The following PCDHGA2 variants were observed in gnomAD, a reference collection of about 807,000 sequenced individuals.
PCDHGA2 encodes protocadherin gamma subfamily A, 2, also known as protocadherin gamma-A2.
PCDHGA2 carries 40 observed loss-of-function variants against 59.2 expected under a neutral mutation model. The ratio of observed to expected loss-of-function variants is 0.68; its 90% CI spans 0.52 to 0.88. PCDHGA2 has a LOEUF of 0.88. Among genes scored for constraint, PCDHGA2 ranks in the 40% least tolerant of loss-of-function variants. The pLI is 0.00. For synonymous variants in PCDHGA2, 560 were observed against 526.0 expected (o/e 1.06, Z -0.89); for missense variants, 1,226 against 1,204.0 (o/e 1.02, Z -0.27).
chr5:141,427,405 C>T (rs1209638263), intron 1 of PCDHGA2: 1 of 462,180 alleles, frequency 2.2e-6, no homozygotes, highest in East Asian at 6.8e-5. Context: ...GATAAAGATT[C>T]GAGAGAAAAT....
chr5:141,501,636 C>T (rs2099810310), intron 2 of PCDHGA2, among the ~76,000 whole-genome samples: 1 of 152,130 alleles, frequency 6.6e-6, no homozygotes, highest in South Asian at 2.1e-4. Flanking sequence ...CTCAACCTCT[C>T]TGAGCCCTGT....
intron 1 of PCDHGA2, chr5:141,360,051 G>A (rs1443200374): frequency 2.1e-6 from 3 of 1,435,510 alleles, no homozygotes; most frequent in Admixed American, 5.6e-5. Context: ...GAAAACAAAA[G>A]CAGGAAAAGT....
intron 1 of PCDHGA2, chr5:141,385,087 G>C: frequency 6.2e-7 from 1 of 1,614,234 alleles, no homozygotes; most frequent in Non-Finnish European, 8.5e-7. Flanking sequence ...GGCTTCAGAA[G>C]GTGGCTTGGC....
chr5:141,374,172 A>C (rs1770228418), intron 1 of PCDHGA2: 1 of 1,613,448 alleles, frequency 6.2e-7, no homozygotes, highest in Non-Finnish European at 8.5e-7. Context: ...GCGGCAGCGC[A>C]GATCCGCTAC....
rs766593056 is a variant in PCDHGA2, at chr5:141,372,812, G to T, written c.2424+31417G>T. On this transcript the variant is annotated intron_variant, in intron 1 of 3. Coordinates refer to ENST00000394576, the MANE Select transcript of PCDHGA2 (RefSeq NM_018915.4). ...CTAATTCAGGCAATTTGCAAAAGGT[G>T]AGTTTCTTCAAACCTTTCCTTCCAT... 67 of 1,584,432 alleles carry T rather than the reference G, an allele frequency of 4.2e-5. No homozygotes were observed. In the Middle Eastern group the frequency reaches 6.7e-4, roughly 16 times the overall value.
At position 141,340,087 on chromosome 5, in the gene PCDHGA2, T is replaced by C. The variant is rs1321123984; in HGVS notation, c.1116T>C (p.His372=). Reference sequence around the variant, plus strand: ...CCATAATTGGGCTTTTTAATGTACATGATAGAGACTCTGGGCAGAACGCAT... The same window carrying C: ...CCATAATTGGGCTTTTTAATGTACACGATAGAGACTCTGGGCAGAACGCAT... ...PGTIIGLFNV[H]DRDSGQNAFT... is the part of the protein sequence containing the mutation. The change falls in exon 1 of 4, where the codon CAT becomes CAC. Residue 372 remains histidine, a synonymous_variant. Coordinates refer to ENST00000394576, the MANE Select transcript of PCDHGA2 (RefSeq NM_018915.4). The C allele has an allele frequency of 4.3e-6, 7 of 1,613,970 alleles. No individual in the cohort carries two copies. Among genetic ancestry groups the C allele is most frequent in the Non-Finnish European group, 5.9e-6 (7 of 1,179,970 alleles).
rs139344941 is a variant in PCDHGA2, at chr5:141,480,950, C to T, written c.2425-13857C>T. Among the ~76,000 whole-genome samples the T allele has an allele frequency of 6.7e-3, 1,016 of 152,086 alleles. 11 individuals carry two copies. Among genetic ancestry groups the T allele is most frequent in the African/African-American group, 0.023 (953 of 41,456 alleles). On this transcript the variant is annotated intron_variant, in intron 1 of 3. Transcript: ENST00000394576. ...GTCCCAGCTACTCTAGAGGCTGAGG[C>T]GGAAGCATCAGTGAGGGAGAATCAG...
At chr5:141,370,490 G>T (rs780342479) in intron 1 of PCDHGA2, 6 of 1,613,894 alleles carry the variant, frequency 3.7e-6, no homozygotes, top group Non-Finnish European at 5.1e-6. Context: ...TCTCCGAACC[G>T]ATCCGCTACG....
At chr5:141,356,834 A>G (rs1052476290) in intron 1 of PCDHGA2, 8 of 1,614,166 alleles carry the variant, frequency 5.0e-6, no homozygotes, top group Non-Finnish European at 5.9e-6. Context: ...CTCAGCAGCA[A>G]TGTGTCACTG....
rs372466798 is a variant in PCDHGA2 at position 141,413,407 on chromosome 5, C to T, written c.2424+72012C>T. On this transcript the variant is annotated intron_variant, in intron 1 of 3. Transcript: ENST00000394576. ...CATAGTCTCCAGAGGTAGGACGCAG[C>T]TTTTCTCTCTGAACCCGCGCAGCGG... The T allele has an allele frequency of 6.2e-7, 1 of 1,614,044 alleles. No individual in the cohort carries two copies. The highest frequency in any genetic ancestry group is 8.5e-7 in the Non-Finnish European group (1 of 1,179,938).
At position 141,431,994 on chromosome 5, in the gene PCDHGA2, G is replaced by C; in HGVS notation, c.2425-62813G>C. ...TTAGTCACAGACATAGTCTTGGATA[G>C]GGAACAGGTTCCTAGCTACAACATC... is the stretch of plus-strand genomic sequence containing the variant. On this transcript the variant is annotated intron_variant, in intron 1 of 3. Coordinates refer to ENST00000394576, the MANE Select transcript of PCDHGA2 (RefSeq NM_018915.4). The surrounding 1 kb of genome is among the most constrained non-coding windows in gnomAD (Gnocchi z 4.8). 1.9e-6 allele frequency: 3 copies of C among 1,614,188 alleles called. 1 individual carries two copies. The highest frequency in any genetic ancestry group is 2.2e-5 in the South Asian group (2 of 91,082).
intron 1 of PCDHGA2, chr5:141,399,802 C>G: frequency 3.1e-6 from 5 of 1,613,252 alleles, no homozygotes; most frequent in Non-Finnish European, 3.4e-6. Flanking sequence ...ACCGCGGGTG[C>G]TGTACCCCGC....
chr5:141,502,825 G>A (rs1487995525), intron 2 of PCDHGA2, among the ~76,000 whole-genome samples: 4 of 151,216 alleles, frequency 2.6e-5, no homozygotes, highest in South Asian at 2.1e-4. Flanking sequence ...TTTCCTTGGG[G>A]AAGCCTGGAC....
In PCDHGA2 at chr5:141,409,031, A is replaced by G. The variant is rs748995883; in HGVS notation, c.2424+67636A>G. The G allele has an allele frequency of 1.2e-6, 2 of 1,614,032 alleles. No individual in the cohort carries two copies. The highest frequency in any genetic ancestry group is 1.7e-6 in the Non-Finnish European group (2 of 1,179,904). The stretch of plus-strand genomic sequence containing the variant: ...CCAGGATGAGGGGGTCAATGCTGAG[A>G]TAAACTACTACTTCCGAAGCACTGC... On this transcript the variant is annotated intron_variant, in intron 1 of 3. Transcript: ENST00000394576.
intron 1 of PCDHGA2, chr5:141,355,976 C>G (rs1322217907): frequency 1.2e-6 from 2 of 1,613,916 alleles, no homozygotes; most frequent in Admixed American, 3.3e-5. Flanking sequence ...CCTGTAGGCA[C>G]TCGGCTACTC....
chr5:141,376,761 A>G (rs1179580742), intron 1 of PCDHGA2: 1 of 431,306 alleles, frequency 2.3e-6, no homozygotes, highest in African/African-American at 2.3e-5. Flanking sequence ...ATCTCGGCTC[A>G]CTGCAAGCTC....
intron 1 of PCDHGA2, among the ~76,000 whole-genome samples, chr5:141,442,703 C>A (rs1405830887): frequency 6.6e-6 from 1 of 152,218 alleles, no homozygotes; most frequent in Admixed American, 6.5e-5. Flanking sequence ...ACAAGAGTAT[C>A]AGACATGCCA....
chr5:141,343,286 T>A lies in PCDHGA2; in HGVS notation c.2424+1891T>A, dbSNP rs1196301803. 7 of 967,696 alleles carry A rather than the reference T, an allele frequency of 7.2e-6. No individual in the cohort carries two copies. The South Asian group carries it at 2.9e-4, about 40-fold the overall frequency. The allele number at this position is 967,696 out of a possible 1,614,324, so 59.9% of individuals were successfully genotyped here. On this transcript the variant is annotated intron_variant, in intron 1 of 3. Transcript: ENST00000394576. ...GTCACCAAGAACAAACTTAAAGAAA[T>A]ATAATGTATAAATATGGCTGATTTC... is the stretch of plus-strand genomic sequence containing the variant.
At chr5:141,424,610 ATAGAG>A (rs1374272828) in intron 1 of PCDHGA2, 2 of 152,216 alleles carry the variant, frequency 1.3e-5, no homozygotes, top group African/African-American at 4.8e-5. Flanking sequence ...ATTTATTCAA[ATAGAG>A]TAGTTTGTGA....
Sources: gnomAD v4.1 joint callset for allele counts (sites outside exome capture counted in the v4.1 genomes callset) on GRCh38, gnomAD v4.1.1 for gene constraint, Gnocchi (gnomAD v3.1) non-coding constraint, MANE v1.5 for transcripts, NCBI Gene and HGNC (gene_info 2026-07-23, HGNC 2026-07-21) for gene names.